Variants in SGTA observed in about 807,000 individuals in gnomAD.
The protein encoded by SGTA is small glutamine rich tetratricopeptide repeat co-chaperone alpha, also known as small glutamine-rich tetratricopeptide repeat-containing protein alpha.
Under a neutral mutation model 44.3 loss-of-function variants are expected in SGTA, and 22 were observed. That is an observed-to-expected ratio of 0.50 (90% confidence interval 0.36 to 0.71). SGTA has a LOEUF of 0.71. Among genes scored for constraint, SGTA ranks in the 30% least tolerant of loss-of-function variants. SGTA has a pLI of 0.00. For missense variants in SGTA, 341 were observed against 435.9 expected, an observed-to-expected ratio of 0.78 and a Z score of 1.94; for synonymous variants, 174 against 177.6, an observed-to-expected ratio of 0.98 and a Z score of 0.16.
chr19:2,755,331 C>G lies in SGTA; in HGVS notation c.*609G>C, dbSNP rs1207882835. The G allele has an allele frequency of 4.4e-6, 4 of 907,134 alleles. No individual in the cohort carries two copies. Among genetic ancestry groups the G allele is most frequent in the Non-Finnish European group, 5.3e-6 (4 of 756,642 alleles). 56.2% of individuals were successfully genotyped at this position (907,134 alleles called of 1,614,324 possible). A position where few individuals can be genotyped will look rare whatever the true frequency, so the allele number is the denominator to read the frequency against. ...AACTGGTCCTATGCACCCAGGACGG[C>G]TCCTGAGCCGCGGAGGCGTGGGGTG... On this transcript the variant is annotated 3_prime_UTR_variant, in exon 12 of 12. Coordinates refer to ENST00000221566, the MANE Select transcript of SGTA (RefSeq NM_003021.4). The surrounding 1 kb of genome is among the most constrained non-coding windows in gnomAD (Gnocchi z 5.2).
chr19:2,764,082 A>G (rs908801959), intron 5 of SGTA, among the ~76,000 whole-genome samples: 1 of 152,226 alleles, frequency 6.6e-6, no homozygotes, highest in Non-Finnish European at 1.5e-5. Context: ...AATTATTTAC[A>G]TATCAGTAAA....
At chr19:2,776,441 G>A (rs1457244175) in intron 1 of SGTA, among the ~76,000 whole-genome samples, 4 of 152,198 alleles carry the variant, frequency 2.6e-5, no homozygotes, top group Non-Finnish European at 5.9e-5. Flanking sequence ...AAATAAGCCA[G>A]AAACAAAGGT....
intron 9 of SGTA, among the ~76,000 whole-genome samples, chr19:2,758,452 G>T (rs1187387337): frequency 6.6e-6 from 1 of 151,976 alleles, no homozygotes; most frequent in African/African-American, 2.4e-5. Flanking sequence ...GGGAGGCAGA[G>T]GTTGCAGTGA....
chr19:2,763,604 G>A lies in SGTA; in HGVS notation c.497+49C>T, dbSNP rs755214420. On this transcript the variant is annotated intron_variant, in intron 6 of 11. Coordinates refer to ENST00000221566, the MANE Select transcript of SGTA (RefSeq NM_003021.4). This position sits in a 1 kb window ranked among gnomAD's most constrained non-coding sequence, Gnocchi z 5.8. ...CAAGAGAGGAAGCAGGAGCAGGAGA[G>A]GAGGGGTCCCGAGAGACTGGAAAGG... The A allele has an allele frequency of 3.9e-6, 5 of 1,295,906 alleles. No homozygotes were observed. Among genetic ancestry groups the A allele is most frequent in the Non-Finnish European group, 5.5e-6 (5 of 911,642 alleles). The allele number at this position is 1,295,906 out of a possible 1,614,324, so 80.3% of individuals were successfully genotyped here.
chr19:2,769,186 G>A (rs1017802979), intron 1 of SGTA, 95 bp from the exon 2 acceptor site: 4 of 695,564 alleles, frequency 5.8e-6, no homozygotes, highest in Admixed American at 4.7e-5. Context: ...TCACTTTAAG[G>A]GTGCTGGCTG....
chr19:2,769,048 C>T lies in SGTA; in HGVS notation c.21G>A (p.Leu7=). 9 of 1,613,918 alleles carry T rather than the reference C, an allele frequency of 5.6e-6. No individual in the cohort carries two copies. Among genetic ancestry groups the T allele is most frequent in the Non-Finnish European group, 7.6e-6 (9 of 1,179,898 alleles). Residue 7 remains leucine (L), a synonymous_variant, in exon 2 of 12, where the codon CTG becomes CTA. Coordinates refer to ENST00000221566, the MANE Select transcript of SGTA (RefSeq NM_003021.4). ...GCAGGAACTGGATGATGGCGTAGGCCAGGCGCTTCTTGTTGTCCATCTTGA... is the reference window on the plus strand; with the variant it reads ...GCAGGAACTGGATGATGGCGTAGGCTAGGCGCTTCTTGTTGTCCATCTTGA... MDNKKR[L]AYAIIQFLHD... is the part of the protein sequence containing the mutation.
chr19:2,774,818 T>G (rs958979266), intron 1 of SGTA, among the ~76,000 whole-genome samples: 3 of 152,136 alleles, frequency 2.0e-5, no homozygotes, highest in Non-Finnish European at 4.4e-5. Flanking sequence ...AGCCGTGGAT[T>G]CTACTGACCC....
chr19:2,765,873 T>G lies in SGTA; in HGVS notation c.293-588A>C, dbSNP rs988589045. Among the ~76,000 whole-genome samples, 3 of 152,116 alleles carry G rather than the reference T, an allele frequency of 2.0e-5. No individual in the cohort carries two copies. The highest frequency in any genetic ancestry group is 4.4e-5 in the Non-Finnish European group (3 of 68,032). Reference sequence around the variant, plus strand: ...GGGGAAGATGGGTATCAGCGTGTGTTTCCCTAAACAGTTTTATTGAGATAT... The same window carrying G: ...GGGGAAGATGGGTATCAGCGTGTGTGTCCCTAAACAGTTTTATTGAGATAT... On this transcript the variant is annotated intron_variant, in intron 4 of 11. Transcript: ENST00000221566. This position sits in a 1 kb window ranked among gnomAD's most constrained non-coding sequence, Gnocchi z 5.5.
intron 2 of SGTA, among the ~76,000 whole-genome samples, chr19:2,768,716 T>C (rs1054273581): frequency 6.6e-6 from 1 of 152,194 alleles, no homozygotes; most frequent in Admixed American, 6.5e-5. Context: ...AAAAAGCCAC[T>C]GGAAGGCAGC....
rs748799088 is a variant in SGTA at position 2,765,160 on chromosome 19, G to A, written c.392+26C>T. 6.3e-7 allele frequency: 1 copy of A among 1,587,666 alleles called. No individual in the cohort carries two copies. On this transcript the variant is annotated intron_variant, in intron 5 of 11. Transcript: ENST00000221566. This position sits in a 1 kb window ranked among gnomAD's most constrained non-coding sequence, Gnocchi z 5.5. ...GACGCCCCCGCACCCGGCCGCCCCTGCCCTGGGCAGGCCCTGAGCTGGTAC... is the reference window on the plus strand; with the variant it reads ...GACGCCCCCGCACCCGGCCGCCCCTACCCTGGGCAGGCCCTGAGCTGGTAC...
intron 6 of SGTA, 121 bp from the exon 7 acceptor site, chr19:2,762,765 G>T: frequency 1.7e-6 from 2 of 1,176,008 alleles, no homozygotes; most frequent in African/African-American, 1.5e-5. Context: ...GCCACCCCCT[G>T]CCCGCTGTCA....
At position 2,763,803 on chromosome 19, in the gene SGTA, C is replaced by T. The variant is rs915895071; in HGVS notation, c.393-46G>A. ...CAGGTCCCTCACTGGCGGCTCTGAGCCCAGCGGGCAGCCCTTGAGGGGAGC... is the reference window on the plus strand; with the variant it reads ...CAGGTCCCTCACTGGCGGCTCTGAGTCCAGCGGGCAGCCCTTGAGGGGAGC... On this transcript the variant is annotated intron_variant, in intron 5 of 11. Coordinates refer to ENST00000221566, the MANE Select transcript of SGTA (RefSeq NM_003021.4). This position sits in a 1 kb window ranked among gnomAD's most constrained non-coding sequence, Gnocchi z 5.8. 2.6e-6 allele frequency: 4 copies of T among 1,525,816 alleles called. No homozygotes were observed. The highest frequency in any genetic ancestry group is 3.5e-5 in the Admixed American group (2 of 56,910). 94.5% of individuals were successfully genotyped at this position (1,525,816 alleles called of 1,614,324 possible). A position where few individuals can be genotyped will look rare whatever the true frequency, so the allele number is the denominator to read the frequency against.
In SGTA at chr19:2,767,348, T is replaced by A; in HGVS notation, c.208-128A>T. 1.3e-6 allele frequency: 1 copy of A among 762,634 alleles called. No homozygotes were observed. The highest frequency in any genetic ancestry group is 1.7e-5 in the South Asian group (1 of 58,264). The allele number at this position is 762,634 out of a possible 1,614,324, so 47.2% of individuals were successfully genotyped here. On this transcript the variant is annotated intron_variant, in intron 3 of 11. Transcript: ENST00000221566. The surrounding 1 kb of genome is among the most constrained non-coding windows in gnomAD (Gnocchi z 7.3). The stretch of plus-strand genomic sequence containing the variant: ...AGGACCCGGGGGCTCTGCAGGGGAC[T>A]CCTGGCCCCCCATCATGTGGCCCTG...
rs184430148 is a variant in SGTA at position 2,756,361 on chromosome 19, C to A, written c.*7-428G>T. Among the ~76,000 whole-genome samples, 226 of 149,976 alleles carry A rather than the reference C, an allele frequency of 1.5e-3. 1 individual carries two copies. Among genetic ancestry groups the A allele is most frequent in the African/African-American group, 5.4e-3 (221 of 40,716 alleles). ...CGGCTCACACTTTGGGAGGCCGAGG[C>A]GGGAGGATCGCTTGAGCCCAGGAGG... On this transcript the variant is annotated intron_variant, in intron 11 of 11. Coordinates refer to ENST00000221566, the MANE Select transcript of SGTA (RefSeq NM_003021.4).
chr19:2,755,535 C>T lies in SGTA; in HGVS notation c.*405G>A, dbSNP rs1914797631. 1.0e-6 allele frequency: 1 copy of T among 986,412 alleles called. No homozygotes were observed. Among genetic ancestry groups the T allele is most frequent in the Non-Finnish European group, 1.2e-6 (1 of 830,154 alleles). The allele number at this position is 986,412 out of a possible 1,614,324, so 61.1% of individuals were successfully genotyped here. On this transcript the variant is annotated 3_prime_UTR_variant, in exon 12 of 12. Coordinates refer to ENST00000221566, the MANE Select transcript of SGTA (RefSeq NM_003021.4). The surrounding 1 kb of genome is among the most constrained non-coding windows in gnomAD (Gnocchi z 5.2). ...GACGGGAGAGTTCCTGCAGACAGAC[C>T]ACGGGATGGGGGGCGGGGGCTGTAA...
intron 7 of SGTA, among the ~76,000 whole-genome samples, chr19:2,762,212 G>A (rs1183461269): frequency 1.3e-5 from 2 of 152,098 alleles, no homozygotes; most frequent in Admixed American, 6.6e-5. Context: ...CAGCCAACCC[G>A]AAGCCTCCTC....
rs1383296218 is a variant in SGTA at position 2,761,986 on chromosome 19, A to G, written c.637-464T>C. On this transcript the variant is annotated intron_variant, in intron 7 of 11. Transcript: ENST00000221566. The surrounding 1 kb of genome is among the most constrained non-coding windows in gnomAD (Gnocchi z 5.7). ...CCTTGGGGCCTTGCTGGCCTGGCAG[A>G]GCCGCCCCCTCCTGGAGTAGCCAAT... Among the ~76,000 whole-genome samples, 3 of 152,170 alleles carry G rather than the reference A, an allele frequency of 2.0e-5. No individual in the cohort carries two copies. Among genetic ancestry groups the G allele is most frequent in the African/African-American group, 7.2e-5 (3 of 41,428 alleles).
At position 2,763,868 on chromosome 19, in the gene SGTA, C is replaced by T. The variant is rs1915070768; in HGVS notation, c.393-111G>A. Reference sequence around the variant, plus strand: ...CCTCTCCAACTTCCTGGAGGAACGGCCTCAGTTTTCCCCATCTGTAAAATG... The same window carrying T: ...CCTCTCCAACTTCCTGGAGGAACGGTCTCAGTTTTCCCCATCTGTAAAATG... On this transcript the variant is annotated intron_variant, in intron 5 of 11. Coordinates refer to ENST00000221566, the MANE Select transcript of SGTA (RefSeq NM_003021.4). The surrounding 1 kb of genome is among the most constrained non-coding windows in gnomAD (Gnocchi z 5.8). The T allele has an allele frequency of 1.3e-6, 1 of 754,114 alleles. No individual in the cohort carries two copies. Among genetic ancestry groups the T allele is most frequent in the Non-Finnish European group, 2.1e-6 (1 of 466,068 alleles). The allele number at this position is 754,114 out of a possible 1,614,324, so 46.7% of individuals were successfully genotyped here.
Position 2,767,782 on chromosome 19 carries a change from G to T in SGTA, c.101-96C>A. On this transcript the variant is annotated intron_variant, in intron 2 of 11. Transcript: ENST00000221566. The surrounding 1 kb of genome is among the most constrained non-coding windows in gnomAD (Gnocchi z 7.3). The stretch of plus-strand genomic sequence containing the variant: ...CGGGGTTGGTGCTCATGCTTCCCCA[G>T]GTGTGTTCATTCCCAAGGACCCCAG... 1.1e-6 allele frequency: 1 copy of T among 907,628 alleles called. No individual in the cohort carries two copies. Among genetic ancestry groups the T allele is most frequent in the South Asian group, 1.4e-5 (1 of 72,166 alleles). 56.2% of individuals were successfully genotyped at this position (907,628 alleles called of 1,614,324 possible). A position where few individuals can be genotyped will look rare whatever the true frequency, so the allele number is the denominator to read the frequency against.
Sources: allele counts gnomAD v4.1 joint callset (sites outside exome capture counted in the v4.1 genomes callset), GRCh38; gene constraint gnomAD v4.1.1; non-coding constraint Gnocchi (gnomAD v3.1); transcripts MANE v1.5; gene names NCBI Gene and HGNC (gene_info 2026-07-23, HGNC 2026-07-21).